The following DGKB variants were observed in gnomAD, a reference collection of about 807,000 sequenced individuals.
DGKB encodes diacylglycerol kinase beta.
Under a neutral mutation model 114.3 loss-of-function variants are expected in DGKB, and 67 were observed. The ratio of observed to expected loss-of-function variants is 0.59; its 90% confidence interval spans 0.48 to 0.72. The LOEUF (loss-of-function observed/expected upper bound fraction) is 0.72. DGKB is among the 30% of genes least tolerant of loss of function. DGKB has a pLI of 0.00. For synonymous variants in DGKB, 398 were observed against 323.1 expected (o/e 1.23, Z -2.49); for missense variants, 907 against 975.2 (o/e 0.93, Z 0.93).
rs776292545 is a variant in DGKB, at chr7:14,757,735, T to TA, written c.71-5dup. ...TCCTTTAATTTCTTTGTAGAATCTATAAAAAACAGAAAACACAAAAATTGT... is the reference window on the plus strand; with the variant it reads ...TCCTTTAATTTCTTTGTAGAATCTATAAAAAAACAGAAAACACAAAAATTGT... On this transcript the variant is annotated splice_region_variant and splice_polypyrimidine_tract_variant and intron_variant, in intron 2 of 25. Coordinates refer to ENST00000402815, the MANE Select transcript of DGKB (RefSeq NM_001350709.2). 2.5e-6 allele frequency: 4 copies of TA among 1,580,488 alleles called. No homozygotes were observed. The highest frequency in any genetic ancestry group is 2.2e-5 in the South Asian group (2 of 89,386).
intron 6 of DGKB, among the ~76,000 whole-genome samples, chr7:14,706,958 A>G (rs1372193940): frequency 6.8e-6 from 1 of 147,488 alleles, no homozygotes; most frequent in Non-Finnish European, 1.5e-5. Context: ...GCAAGAAATA[A>G]CTAAAATCAG....
At chr7:14,894,030 G>A (rs1781717665) in intron 1 of DGKB, among the ~76,000 whole-genome samples, 1 of 151,088 alleles carries the variant, frequency 6.6e-6, no homozygotes, top group African/African-American at 2.4e-5. Context: ...AATGCCAATA[G>A]ACCAGTACTT....
intron 21 of DGKB, among the ~76,000 whole-genome samples, chr7:14,449,574 C>T (rs1354173676): frequency 1.3e-5 from 2 of 152,062 alleles, no homozygotes; most frequent in East Asian, 3.9e-4. Context: ...CTCTGGGAGG[C>T]ATTCCAGCTA....
chr7:14,567,080 A>AT lies in DGKB; in HGVS notation c.1770+7131_1770+7132insA, dbSNP rs1366205196. Among the ~76,000 whole-genome samples the AT allele has an allele frequency of 5.6e-5, 7 of 125,172 alleles. No individual in the cohort carries two copies. The East Asian group carries it at 6.5e-4, about 12-fold the overall frequency. The allele number at this position is 125,172 out of a possible 152,430, so 82.1% of individuals were successfully genotyped here. On this transcript the variant is annotated intron_variant, in intron 20 of 25. Coordinates refer to ENST00000402815, the MANE Select transcript of DGKB (RefSeq NM_001350709.2). ...TGAGATGACCTGTATATATATATAT[A>AT]AAAAATTATCCATTTATATATATGT...
chr7:14,370,429 A>G (rs1817445032), intron 21 of DGKB, among the ~76,000 whole-genome samples: 1 of 152,126 alleles, frequency 6.6e-6, no homozygotes, highest in Non-Finnish European at 1.5e-5. Context: ...GTTCCATATG[A>G]AATTTAAAGT....
At chr7:14,314,565 G>C (rs990697261) in intron 23 of DGKB, among the ~76,000 whole-genome samples, 1 of 152,014 alleles carries the variant, frequency 6.6e-6, no homozygotes. Context: ...AATGAAGGGA[G>C]AAGGAAAGTT....
intron 17 of DGKB, among the ~76,000 whole-genome samples, chr7:14,589,103 C>T (rs1333263118): frequency 1.3e-5 from 2 of 151,964 alleles, no homozygotes; most frequent in South Asian, 2.1e-4. Flanking sequence ...ACAGGTCTTG[C>T]ATATATTTTG....
chr7:14,536,163 C>G (rs1359046892), intron 20 of DGKB, among the ~76,000 whole-genome samples: 1 of 151,984 alleles, frequency 6.6e-6, no homozygotes, highest in Non-Finnish European at 1.5e-5. Flanking sequence ...GCAATAAAAA[C>G]CTATCAATAA....
At chr7:14,603,140 T>C (rs1232538863) in intron 17 of DGKB, among the ~76,000 whole-genome samples, 3 of 151,392 alleles carry the variant, frequency 2.0e-5, no homozygotes, top group Non-Finnish European at 2.9e-5. Context: ...AATCCATAGA[T>C]CTTTAATTTT....
intron 23 of DGKB, among the ~76,000 whole-genome samples, chr7:14,188,591 C>T (rs1315668557): frequency 4.6e-5 from 5 of 108,022 alleles, no homozygotes; most frequent in Admixed American, 1.3e-4. Context: ...ACCCGGGAGG[C>T]GGAGCTTGCA....
intron 2 of DGKB, among the ~76,000 whole-genome samples, chr7:14,840,344 C>T (rs1254561040): frequency 6.6e-6 from 1 of 151,842 alleles, no homozygotes; most frequent in African/African-American, 2.4e-5. Flanking sequence ...CATCATTTTC[C>T]AAGTCTTTTG....
At chr7:14,371,898 C>G (rs1817713969) in intron 21 of DGKB, among the ~76,000 whole-genome samples, 1 of 152,136 alleles carries the variant, frequency 6.6e-6, no homozygotes, top group Non-Finnish European at 1.5e-5. Flanking sequence ...TACTTCACTC[C>G]AGAGCAGGCA....
intron 21 of DGKB, among the ~76,000 whole-genome samples, chr7:14,464,398 G>C (rs773829141): frequency 6.6e-6 from 1 of 151,992 alleles, no homozygotes; most frequent in Non-Finnish European, 1.5e-5. Flanking sequence ...ATAAGACAAA[G>C]TTAGTAAAAG....
chr7:14,214,852 T>C (rs1016107336), intron 23 of DGKB, among the ~76,000 whole-genome samples: 1 of 152,136 alleles, frequency 6.6e-6, no homozygotes, highest in Admixed American at 6.5e-5. Flanking sequence ...AATACAGTAC[T>C]GAATTGAGAA....
chr7:14,709,152 G>A lies in DGKB; in HGVS notation c.467-7422C>T, dbSNP rs529118910. ...CAAACAACCCCATCAAAAAGTGGGC[G>A]AAGGACATGAACAGACACTTCTCAA... On this transcript the variant is annotated intron_variant, in intron 6 of 25. Coordinates refer to ENST00000402815, the MANE Select transcript of DGKB (RefSeq NM_001350709.2). Among the ~76,000 whole-genome samples, 748 of 151,854 alleles carry A rather than the reference G, an allele frequency of 4.9e-3. 6 individuals carry two copies. The highest frequency in any genetic ancestry group is 8.1e-3 in the Non-Finnish European group (552 of 67,948).
intron 21 of DGKB, among the ~76,000 whole-genome samples, chr7:14,459,961 T>A (rs1052631691): frequency 6.6e-6 from 1 of 151,996 alleles, no homozygotes; most frequent in East Asian, 1.9e-4. Flanking sequence ...CTTAAAGAAA[T>A]GAATTTTCAA....
At chr7:14,467,315 T>C (rs1307315106) in intron 21 of DGKB, among the ~76,000 whole-genome samples, 2 of 150,866 alleles carry the variant, frequency 1.3e-5, no homozygotes, top group South Asian at 2.1e-4. Context: ...CAAAAGTATA[T>C]GAGTTAATGC....
At chr7:14,660,110 T>A (rs919750106) in intron 13 of DGKB, among the ~76,000 whole-genome samples, 4 of 151,464 alleles carry the variant, frequency 2.6e-5, no homozygotes, top group African/African-American at 9.7e-5. Flanking sequence ...ATAAGCTTTT[T>A]GATGTGCTGC....
At chr7:14,278,254 A>G (rs921941326) in intron 23 of DGKB, among the ~76,000 whole-genome samples, 1 of 151,332 alleles carries the variant, frequency 6.6e-6, no homozygotes, top group East Asian at 1.9e-4. Flanking sequence ...TTATGAAGCA[A>G]TTGCTATCAA....
Sources: allele counts gnomAD v4.1 joint callset (sites outside exome capture counted in the v4.1 genomes callset), GRCh38; gene constraint gnomAD v4.1.1; transcripts MANE v1.5; gene names NCBI Gene and HGNC (gene_info 2026-07-23, HGNC 2026-07-21).